GTF2A2: variants seen among roughly 807,000 people sequenced by gnomAD.
GTF2A2 encodes the protein general transcription factor IIA subunit 2.
GTF2A2 carries 9 observed loss-of-function variants against 14.3 expected under a neutral mutation model. That is an observed-to-expected ratio of 0.63 (90% CI 0.38 to 1.10). The LOEUF is 1.10. Ranked by LOEUF, GTF2A2 falls within the 50% of genes least tolerant of loss-of-function variation. GTF2A2 has a pLI of 0.01. For synonymous variants in GTF2A2, 56 were observed against 46.0 expected, an observed-to-expected ratio of 1.22 and a Z score of -0.88; for missense variants, 90 against 124.6, an observed-to-expected ratio of 0.72 and a Z score of 1.32.
At position 59,638,978 on chromosome 15, in the gene GTF2A2, T is replaced by G. The variant is rs1280191197; in HGVS notation, c.*154A>C. ...GTATAATAAAGGTGATGTAAGAGGC[T>G]ACAGAGTTACAAGTTTCTTTCTACT... is the stretch of plus-strand genomic sequence containing the variant. On this transcript the variant is annotated 3_prime_UTR_variant, in exon 5 of 5. Transcript: ENST00000396060. The G allele has an allele frequency of 8.0e-6, 5 of 623,500 alleles. No homozygotes were observed. The highest frequency in any genetic ancestry group is 1.5e-5 in the Non-Finnish European group (5 of 341,812). The allele number at this position is 623,500 out of a possible 1,614,324, so 38.6% of individuals were successfully genotyped here.
Position 59,656,063 on chromosome 15 carries a change from T to A in GTF2A2, c.-50+1343A>T, listed in dbSNP as rs148521316. 2.0e-3 allele frequency among the ~76,000 whole-genome samples: 306 copies of A among 152,298 alleles called. 2 individuals are homozygous for A. Among genetic ancestry groups the A allele is most frequent in the African/African-American group, 6.9e-3 (288 of 41,564 alleles). ...CAGGGTGATCTTCTAAAACTTCAGT[T>A]ACAACATACCTCTCCTCTATTCAAA... On this transcript the variant is annotated intron_variant, in intron 1 of 4. Transcript: ENST00000396060.
intron 3 of GTF2A2, among the ~76,000 whole-genome samples, chr15:59,643,522 T>C (rs1891502606): frequency 6.6e-6 from 1 of 151,868 alleles, no homozygotes; most frequent in Non-Finnish European, 1.5e-5. Context: ...CAGGACACAT[T>C]CTTATAATTA....
At chr15:59,650,913 A>G in intron 2 of GTF2A2, 140 bp from the exon 3 acceptor site, 3 of 574,248 alleles carry the variant, frequency 5.2e-6, no homozygotes, top group South Asian at 2.2e-5. Flanking sequence ...CTCCTTTGCC[A>G]TAACTGATGA....
intron 4 of GTF2A2, among the ~76,000 whole-genome samples, chr15:59,641,559 T>C (rs920101212): frequency 1.7e-4 from 26 of 151,694 alleles, no homozygotes; most frequent in Non-Finnish European, 3.7e-4. Context: ...TTTAAAATAA[T>C]ATAATTAGCA....
At chr15:59,646,990 A>G (rs1042351888) in intron 3 of GTF2A2, among the ~76,000 whole-genome samples, 2 of 150,616 alleles carry the variant, frequency 1.3e-5, no homozygotes, top group South Asian at 4.2e-4. Context: ...GTTTATATAT[A>G]TGTATATACT....
rs1595674619 is a variant in GTF2A2, at chr15:59,653,842, T to A, written c.-49-1516A>T. On this transcript the variant is annotated intron_variant, in intron 1 of 4. Transcript: ENST00000396060. The stretch of plus-strand genomic sequence containing the variant: ...TGCTCTGTCCTCAGTCTTACCCACC[T>A]CGGTAACAGTAAACATAGTCTTCCT... Among the ~76,000 whole-genome samples, 2 of 152,302 alleles carry A rather than the reference T, an allele frequency of 1.3e-5. 1 individual carries two copies. Among genetic ancestry groups the A allele is most frequent in the South Asian group, 4.1e-4 (2 of 4,824 alleles).
intron 3 of GTF2A2, among the ~76,000 whole-genome samples, chr15:59,645,226 A>G (rs1891563295): frequency 6.6e-6 from 1 of 152,220 alleles, no homozygotes; most frequent in Non-Finnish European, 1.5e-5. Context: ...TTTCAGGTAT[A>G]TCTAAGTCAT....
chr15:59,645,330 C>A (rs987106800), intron 3 of GTF2A2, among the ~76,000 whole-genome samples: 1 of 152,084 alleles, frequency 6.6e-6, no homozygotes, highest in African/African-American at 2.4e-5. Context: ...CCAAGGACAG[C>A]GGACGCACGC....
intron 4 of GTF2A2, 62 bp from the exon 5 acceptor site, chr15:59,639,219 A>T (rs1191562220): frequency 1.0e-6 from 1 of 996,602 alleles, no homozygotes; most frequent in Non-Finnish European, 1.6e-6. Context: ...TTTTACAATT[A>T]ACTATTTTAA....
At chr15:59,639,563 CGCCATTCTCCT>C (rs1891322841) in intron 4 of GTF2A2, among the ~76,000 whole-genome samples, 1 of 150,594 alleles carries the variant, frequency 6.6e-6, no homozygotes, top group South Asian at 2.1e-4. Context: ...CGGGGGTTCA[CGCCATTCTCCT>C]GCCTCAGCCT....
At chr15:59,648,401 C>CAAAA (rs71425875) in intron 3 of GTF2A2, among the ~76,000 whole-genome samples, 4,415 of 90,144 alleles carry the variant, frequency 0.049, 246 homozygotes, top group Non-Finnish European at 0.056. Flanking sequence ...GACTTCGTCT[C>CAAAA]AAAAAAAAAA....
At chr15:59,650,111 TGA>T (rs1259604448) in intron 3 of GTF2A2, among the ~76,000 whole-genome samples, 1 of 152,168 alleles carries the variant, frequency 6.6e-6, no homozygotes, top group African/African-American at 2.4e-5. Flanking sequence ...ATCAGGAAAT[TGA>T]GAGAGATAAT....
intron 1 of GTF2A2, among the ~76,000 whole-genome samples, chr15:59,656,200 A>C (rs759627100): frequency 1.3e-5 from 2 of 152,094 alleles, no homozygotes; most frequent in Non-Finnish European, 2.9e-5. Context: ...CTCCAGATAC[A>C]CTGGCTTCCT....
Position 59,642,583 on chromosome 15 carries a change from A to G in GTF2A2, c.178-321T>C, listed in dbSNP as rs189065180. ...TGGCTAAGTTATGAAAGTTCATTCA[A>G]ATTATGGAAATATTTGTTAAAAGTT... On this transcript the variant is annotated intron_variant, in intron 3 of 4. Transcript: ENST00000396060. 5.6e-4 allele frequency among the ~76,000 whole-genome samples: 86 copies of G among 152,340 alleles called. No homozygotes were observed. The East Asian group carries it at 0.014, about 25-fold the overall frequency.
chr15:59,639,634 T>TTGTACTTTA (rs1236392831), intron 4 of GTF2A2, among the ~76,000 whole-genome samples: 1 of 149,860 alleles, frequency 6.7e-6, no homozygotes, highest in African/African-American at 2.5e-5. Context: ...AGCTAATTTT[T>TTGTACTTTA]TGTACTTTAG....
chr15:59,645,090 A>G (rs185380524), intron 3 of GTF2A2, among the ~76,000 whole-genome samples: 1 of 152,338 alleles, frequency 6.6e-6, no homozygotes, highest in African/African-American at 2.4e-5. Flanking sequence ...GGAATGGACA[A>G]CTATAAATAT....
Position 59,652,232 on chromosome 15 carries a change from G to C in GTF2A2, c.46C>G (p.Gln16Glu). The part of the protein sequence containing the change: ...YRNTTLGNSL[Q>E]ESLDELIQSQ... ...TGTATGAGCTCATCTAGGCTCTCCT[G>C]AAGACTGTTTCCCAAAGTAGTATTT... The change falls in exon 2 of 5, where the codon CAG becomes GAG. Residue 16 changes from glutamine to glutamate, a missense_variant. Physicochemically the swap from Gln to Glu is conservative, Grantham distance 29. Coordinates refer to ENST00000396060, the MANE Select transcript of GTF2A2 (RefSeq NM_004492.3). 2 of 1,601,264 alleles carry C rather than the reference G, an allele frequency of 1.2e-6. No individual in the cohort carries two copies. The highest frequency in any genetic ancestry group is 1.7e-6 in the Non-Finnish European group (2 of 1,169,242).
chr15:59,654,767 C>T (rs191629968), intron 1 of GTF2A2, among the ~76,000 whole-genome samples: 1 of 152,338 alleles, frequency 6.6e-6, no homozygotes. Flanking sequence ...CTCACAGCCA[C>T]ATCCAGCTAC....
chr15:59,657,348 G>C (rs529547893), intron 1 of GTF2A2, 58 bp downstream of exon 1: 2 of 152,518 alleles, frequency 1.3e-5, no homozygotes, highest in African/African-American at 2.4e-5. Flanking sequence ...ACTCCGGGGG[G>C]GCGGCAGGGA....
Sources: gnomAD v4.1 joint callset for allele counts (sites outside exome capture counted in the v4.1 genomes callset) on GRCh38, gnomAD v4.1.1 for gene constraint, MANE v1.5 for transcripts, NCBI Gene and HGNC (gene_info 2026-07-23, HGNC 2026-07-21) for gene names.